Variants in PCED1B observed in about 807,000 individuals in gnomAD.
PCED1B encodes the protein PC-esterase domain-containing protein 1B.
For missense variants in PCED1B, 573 were observed against 573.9 expected, an observed-to-expected ratio of 1.00 and a Z score of 0.02; for synonymous variants, 251 against 246.1, an observed-to-expected ratio of 1.02 and a Z score of -0.19.
chr12:47,156,568 A>T (rs1460076199), intron 2 of PCED1B, among the ~76,000 whole-genome samples: 1 of 151,922 alleles, frequency 6.6e-6, no homozygotes, highest in Non-Finnish European at 1.5e-5. Flanking sequence ...GGCTCAGGGC[A>T]CACAGGGCTG....
intron 2 of PCED1B, among the ~76,000 whole-genome samples, chr12:47,180,511 T>C (rs1942059930): frequency 6.6e-6 from 1 of 152,012 alleles, no homozygotes; most frequent in African/African-American, 2.4e-5. Flanking sequence ...CCCAAAACTA[T>C]AAAAACCATT....
intron 1 of PCED1B, among the ~76,000 whole-genome samples, chr12:47,080,290 G>C (rs1458632194): frequency 6.6e-6 from 1 of 152,144 alleles, no homozygotes; most frequent in Non-Finnish European, 1.5e-5. Flanking sequence ...CACCGAGGGA[G>C]GGGTCTCACC....
intron 2 of PCED1B, among the ~76,000 whole-genome samples, chr12:47,204,729 A>G (rs568799805): frequency 7.2e-5 from 11 of 152,234 alleles, no homozygotes; most frequent in African/African-American, 2.2e-4. Context: ...CTAAAAGTCA[A>G]GGTTCTGGGT....
Position 47,161,443 on chromosome 12 carries a change from T to C in PCED1B, c.-525-54779T>C, listed in dbSNP as rs140820659. On this transcript the variant is annotated intron_variant, in intron 2 of 3. Coordinates refer to ENST00000546455, the MANE Select transcript of PCED1B (RefSeq NM_138371.3). The stretch of plus-strand genomic sequence containing the variant: ...TTTCATTGGTGGATATGTGTGACTT[T>C]ATGCTAGTACCACAGTGTTTTGATT... Among the ~76,000 whole-genome samples the C allele has an allele frequency of 1.4e-3, 207 of 152,352 alleles. 1 individual carries two copies. The highest frequency in any genetic ancestry group is 2.2e-3 in the Non-Finnish European group (153 of 68,028).
intron 2 of PCED1B, among the ~76,000 whole-genome samples, chr12:47,109,085 A>T (rs1412441242): frequency 6.6e-6 from 1 of 152,202 alleles, no homozygotes; most frequent in Non-Finnish European, 1.5e-5. Flanking sequence ...TTCTAGGTTG[A>T]ATGAAAATCA....
In PCED1B at chr12:47,171,866, CCTT is replaced by C. The variant is rs138269266; in HGVS notation, c.-525-44346_-525-44344del. ...GCTGCTTCTTTCTTCTTCTTCTTCT[CCTT>C]CTTCTTCTTTTCTTCTTCTTCTTCT... On this transcript the variant is annotated intron_variant, in intron 2 of 3. Transcript: ENST00000546455. Among the ~76,000 whole-genome samples the C allele has an allele frequency of 8.5e-3, 1,251 of 147,772 alleles. 17 individuals are homozygous for C. Among genetic ancestry groups the C allele is most frequent in the African/African-American group, 0.029 (1,144 of 39,324 alleles).
intron 2 of PCED1B, among the ~76,000 whole-genome samples, chr12:47,139,192 T>C (rs1940498117): frequency 6.6e-6 from 1 of 152,162 alleles, no homozygotes; most frequent in Non-Finnish European, 1.5e-5. Flanking sequence ...AAGTTACTTC[T>C]CTTTTTGAAG....
chr12:47,150,149 G>A (rs929934111), intron 2 of PCED1B, among the ~76,000 whole-genome samples: 73 of 152,196 alleles, frequency 4.8e-4, no homozygotes, highest in African/African-American at 1.7e-3. Context: ...GGGGAAAAGT[G>A]TTCAGTAACA....
intron 2 of PCED1B, among the ~76,000 whole-genome samples, chr12:47,184,710 A>C (rs1357552277): frequency 6.6e-6 from 1 of 152,176 alleles, no homozygotes; most frequent in Non-Finnish European, 1.5e-5. Flanking sequence ...TCATTTCATA[A>C]AAGAAAGGAT....
At chr12:47,117,684 A>C (rs1939486931) in intron 2 of PCED1B, among the ~76,000 whole-genome samples, 1 of 152,174 alleles carries the variant, frequency 6.6e-6, no homozygotes, top group Non-Finnish European at 1.5e-5. Flanking sequence ...TTATAGCAGC[A>C]TGATTTATAA....
chr12:47,114,793 C>T (rs928149211), intron 2 of PCED1B, among the ~76,000 whole-genome samples: 1 of 152,196 alleles, frequency 6.6e-6, no homozygotes, highest in Admixed American at 6.5e-5. Context: ...ATGGCAGCAT[C>T]TGGCTTTCCA....
At chr12:47,165,117 A>G (rs1472420817) in intron 2 of PCED1B, among the ~76,000 whole-genome samples, 1 of 152,202 alleles carries the variant, frequency 6.6e-6, no homozygotes, top group Non-Finnish European at 1.5e-5. Flanking sequence ...GCAAATTCCC[A>G]ACTGGGATTA....
chr12:47,235,618 G>A lies in PCED1B; in HGVS notation c.555G>A (p.Lys185=), dbSNP rs760642785. 1.9e-5 allele frequency: 31 copies of A among 1,610,122 alleles called. No homozygotes were observed. Among genetic ancestry groups the A allele is most frequent in the Non-Finnish European group, 2.3e-5 (27 of 1,177,982 alleles). ...GFLPPKLRRQ[K]ATFLKNEVVK... is the part of the protein sequence containing the mutation. ...TTCCGCCCAAGCTCCGGCGGCAGAA[G>A]GCCACCTTCCTGAAAAACGAAGTGG... is the stretch of plus-strand genomic sequence containing the variant. Residue 185 remains lysine (K), a synonymous_variant, in exon 4 of 4, where the codon AAG becomes AAA. Transcript: ENST00000546455.
At chr12:47,226,620 C>A (rs1190793646) in intron 3 of PCED1B, among the ~76,000 whole-genome samples, 1 of 152,174 alleles carries the variant, frequency 6.6e-6, no homozygotes, top group Middle Eastern at 3.2e-3. Flanking sequence ...AGTTATCCGC[C>A]CGCCTTGGCC....
chr12:47,201,375 A>C (rs1942758650), intron 2 of PCED1B, among the ~76,000 whole-genome samples: 1 of 152,160 alleles, frequency 6.6e-6, no homozygotes, highest in South Asian at 2.1e-4. Flanking sequence ...GCTGGGAGTC[A>C]GCTTGCACAA....
At chr12:47,155,086 T>C (rs1941148002) in intron 2 of PCED1B, among the ~76,000 whole-genome samples, 1 of 152,128 alleles carries the variant, frequency 6.6e-6, no homozygotes, top group Non-Finnish European at 1.5e-5. Flanking sequence ...TAGGAACAGA[T>C]GTGTTGCCAG....
At chr12:47,089,465 T>TATATATATATATATAC (rs1565739993) in intron 1 of PCED1B, among the ~76,000 whole-genome samples, 3 of 84,480 alleles carry the variant, frequency 3.6e-5, no homozygotes. Flanking sequence ...AAAATACATA[T>TATATATATATATATAC]ATATATATAT....
At chr12:47,138,604 A>C (rs769799496) in intron 2 of PCED1B, among the ~76,000 whole-genome samples, 3 of 152,234 alleles carry the variant, frequency 2.0e-5, no homozygotes, top group Non-Finnish European at 4.4e-5. Flanking sequence ...CCTGAAATTA[A>C]CAGGAGTATC....
At chr12:47,157,311 G>A (rs915674151) in intron 2 of PCED1B, among the ~76,000 whole-genome samples, 1 of 152,192 alleles carries the variant, frequency 6.6e-6, no homozygotes, top group Non-Finnish European at 1.5e-5. Context: ...ATCTGTGGTT[G>A]GGTGGGATGG....
Sources: allele counts gnomAD v4.1 joint callset (sites outside exome capture counted in the v4.1 genomes callset), GRCh38; gene constraint gnomAD v4.1.1; transcripts MANE v1.5; gene names NCBI Gene and HGNC (gene_info 2026-07-23, HGNC 2026-07-21).